SLC44A3: variants seen among roughly 807,000 people sequenced by gnomAD.
SLC44A3 encodes solute carrier family 44 member 3, also known as choline transporter-like protein 3.
Under a neutral mutation model 75.4 loss-of-function variants are expected in SLC44A3, and 74 were observed. That is an observed-to-expected ratio of 0.98 (90% CI 0.81 to 1.19). The LOEUF (loss-of-function observed/expected upper bound fraction) is 1.19, where lower values mean the gene tolerates loss of function less well. Ranked by LOEUF, SLC44A3 falls within the 50% of genes most tolerant of loss-of-function variation. The pLI is 0.00. For synonymous variants in SLC44A3, 310 were observed against 296.9 expected, an observed-to-expected ratio of 1.04 and a Z score of -0.45; for missense variants, 700 against 778.6, an observed-to-expected ratio of 0.90 and a Z score of 1.20.
chr1:94,889,622 A>C (rs1669983846), intron 12 of SLC44A3, among the ~76,000 whole-genome samples: 1 of 152,168 alleles, frequency 6.6e-6, no homozygotes, highest in African/African-American at 2.4e-5. Context: ...TAAAATCAGG[A>C]AATCAAGAGT....
intron 12 of SLC44A3, among the ~76,000 whole-genome samples, chr1:94,888,360 T>C (rs1669831488): frequency 6.6e-6 from 1 of 152,232 alleles, no homozygotes; most frequent in African/African-American, 2.4e-5. Context: ...TTGATCTTGG[T>C]TTCCAGTCTA....
At position 94,845,279 on chromosome 1, in the gene SLC44A3, CA is replaced by C; in HGVS notation, c.888del (p.Val297CysfsTer5). ...TTACTCAAATCCCTTTCTCACCAGG[CA>C]GTGCTGCTCGTCTTGATTTTTGTTC... ...GFAIVSTGIT[A>X]VLLVLIFVLR... is the part of the protein sequence containing the mutation. On this transcript the variant is annotated frameshift_variant and splice_region_variant, in exon 9 of 15. Transcript: ENST00000271227. LOFTEE classifies it high-confidence loss of function. 6.2e-7 allele frequency: 1 copy of C among 1,602,486 alleles called. No individual in the cohort carries two copies. Among genetic ancestry groups the C allele is most frequent in the Non-Finnish European group, 8.5e-7 (1 of 1,174,396 alleles).
intron 2 of SLC44A3, among the ~76,000 whole-genome samples, chr1:94,822,028 A>G (rs1009967176): frequency 1.3e-5 from 2 of 152,190 alleles, no homozygotes; most frequent in African/African-American, 4.8e-5. Context: ...GAGACAGTGC[A>G]CCTACAATAC....
intron 8 of SLC44A3, among the ~76,000 whole-genome samples, chr1:94,842,701 G>T (rs1031285269): frequency 1.3e-5 from 2 of 152,100 alleles, no homozygotes; most frequent in African/African-American, 4.8e-5. Flanking sequence ...CGTTAGGAAG[G>T]CTCAAATCAC....
intron 12 of SLC44A3, among the ~76,000 whole-genome samples, chr1:94,874,425 T>C (rs1345804138): frequency 6.6e-6 from 1 of 152,202 alleles, no homozygotes; most frequent in Non-Finnish European, 1.5e-5. Context: ...GCTCAGTCCT[T>C]TGGGGTAAGG....
At chr1:94,890,532 A>G (rs1477248278) in intron 12 of SLC44A3, among the ~76,000 whole-genome samples, 2 of 152,190 alleles carry the variant, frequency 1.3e-5, no homozygotes, top group Non-Finnish European at 2.9e-5. Flanking sequence ...TGAATTGAGT[A>G]TGAATCCTGA....
chr1:94,827,771 C>G (rs1334861178), intron 4 of SLC44A3, 128 bp downstream of exon 4: 1 of 1,164,336 alleles, frequency 8.6e-7, no homozygotes, highest in Non-Finnish European at 1.2e-6. Context: ...GTGGGTGCCT[C>G]TTTTTGTGTG....
chr1:94,853,237 G>A (rs1428219703), intron 9 of SLC44A3, among the ~76,000 whole-genome samples: 1 of 152,170 alleles, frequency 6.6e-6, no homozygotes, highest in Non-Finnish European at 1.5e-5. Flanking sequence ...TCACAGAGAT[G>A]TGCGCGGTCC....
At chr1:94,874,883 C>T (rs1375603858) in intron 12 of SLC44A3, among the ~76,000 whole-genome samples, 1 of 152,232 alleles carries the variant, frequency 6.6e-6, no homozygotes, top group Non-Finnish European at 1.5e-5. Flanking sequence ...GTCATTTCCT[C>T]TTCCTTGTCC....
intron 12 of SLC44A3, among the ~76,000 whole-genome samples, chr1:94,878,291 C>G (rs1557878057): frequency 6.6e-6 from 1 of 151,970 alleles, no homozygotes; most frequent in Non-Finnish European, 1.5e-5. Flanking sequence ...TGGTTGGGGC[C>G]CAAAGAATGC....
At chr1:94,885,605 TAA>T (rs962378552) in intron 12 of SLC44A3, among the ~76,000 whole-genome samples, 1 of 152,098 alleles carries the variant, frequency 6.6e-6, no homozygotes, top group Admixed American at 6.5e-5. Context: ...CAGCTCAAAG[TAA>T]AGTTTTCCAG....
intron 5 of SLC44A3, among the ~76,000 whole-genome samples, chr1:94,829,150 G>A (rs1012495341): frequency 6.6e-6 from 1 of 151,996 alleles, no homozygotes; most frequent in Non-Finnish European, 1.5e-5. Flanking sequence ...GGGTGTGGTG[G>A]TGCATGCCTG....
At chr1:94,844,110 T>C (rs764726343) in intron 8 of SLC44A3, among the ~76,000 whole-genome samples, 23 of 152,012 alleles carry the variant, frequency 1.5e-4, no homozygotes, top group Admixed American at 3.9e-4. Flanking sequence ...TAATGGGAAA[T>C]TCAGACGAGA....
chr1:94,875,142 A>C (rs1417326063), intron 12 of SLC44A3, among the ~76,000 whole-genome samples: 2 of 152,182 alleles, frequency 1.3e-5, no homozygotes, highest in African/African-American at 2.4e-5. Context: ...GAGAATGAGG[A>C]AGGGCCTGAG....
intron 3 of SLC44A3, chr1:94,825,837 A>G (rs1312322916): frequency 2.2e-6 from 1 of 456,230 alleles, no homozygotes. Flanking sequence ...TCATAGAGCC[A>G]CTTACAAAGA....
rs747583108 is a variant in SLC44A3 at position 94,839,939 on chromosome 1, A to C, written c.671-9A>C. The stretch of plus-strand genomic sequence containing the variant: ...TATTGAGGTTTATGTGTTTTGCTTA[A>C]TTTTTCAGCCTTGTCTTTGGCCATG... On this transcript the variant is annotated splice_polypyrimidine_tract_variant and intron_variant, in intron 6 of 14. Coordinates refer to ENST00000271227, the MANE Select transcript of SLC44A3 (RefSeq NM_001114106.3). 5.6e-6 allele frequency: 9 copies of C among 1,612,584 alleles called. No homozygotes were observed. In the South Asian group the frequency reaches 9.9e-5, roughly 18 times the overall value.
rs1046597357 is a variant in SLC44A3 at position 94,893,163 on chromosome 1, A to G, written c.1857+646A>G. Among the ~76,000 whole-genome samples, 4 of 152,212 alleles carry G rather than the reference A, an allele frequency of 2.6e-5. No homozygotes were observed. The East Asian group carries it at 7.7e-4, about 29-fold the overall frequency. On this transcript the variant is annotated intron_variant, in intron 14 of 14. Coordinates refer to ENST00000271227, the MANE Select transcript of SLC44A3 (RefSeq NM_001114106.3). The stretch of plus-strand genomic sequence containing the variant: ...TAGACAGGGATATTTTAACAGCTGA[A>G]TGATGTCTCATCTCTTTTCCTTGTC...
intron 12 of SLC44A3, among the ~76,000 whole-genome samples, chr1:94,884,288 C>CA (rs1553211661): frequency 1.3e-5 from 2 of 152,032 alleles, no homozygotes; most frequent in East Asian, 1.9e-4. Flanking sequence ...GGGATCTGAA[C>CA]GGTGAATGCA....
rs563251372 is a variant in SLC44A3, at chr1:94,874,074, A to G, written c.1482+6657A>G. ...GTGCGTGCTTCAGAAAGAAGCTCAC[A>G]TGTGTGTCAATATGATAGTTTGCAT... On this transcript the variant is annotated intron_variant, in intron 12 of 14. Transcript: ENST00000271227. Among the ~76,000 whole-genome samples the G allele has an allele frequency of 2.0e-3, 284 of 141,936 alleles. 1 individual carries two copies. The highest frequency in any genetic ancestry group is 6.9e-3 in the African/African-American group (279 of 40,324). The allele number at this position is 141,936 out of a possible 152,430, so 93.1% of individuals were successfully genotyped here.
Sources: allele counts gnomAD v4.1 joint callset (sites outside exome capture counted in the v4.1 genomes callset), GRCh38; gene constraint gnomAD v4.1.1; transcripts MANE v1.5; gene names NCBI Gene and HGNC (gene_info 2026-07-23, HGNC 2026-07-21).